SGCZ: variants seen among roughly 807,000 people sequenced by gnomAD.
SGCZ encodes sarcoglycan zeta, also known as zeta-sarcoglycan.
Under a neutral mutation model 41.3 loss-of-function variants are expected in SGCZ, and 40 were observed. That is an observed-to-expected ratio of 0.97 (90% confidence interval 0.75 to 1.26). The LOEUF (loss-of-function observed/expected upper bound fraction) is 1.26. Ranked by LOEUF, SGCZ falls within the 50% of genes most tolerant of loss-of-function variation. SGCZ has a pLI of 0.00. For missense variants in SGCZ, 552 were observed against 369.8 expected (o/e 1.49, Z -4.04); for synonymous variants, 206 against 137.5 (o/e 1.50, Z -3.49).
intron 2 of SGCZ, 83 bp downstream of exon 2, chr8:14,554,649 C>G: frequency 1.8e-6 from 2 of 1,129,306 alleles, no homozygotes; most frequent in South Asian, 1.8e-5. Context: ...ATATGAATAA[C>G]TTTTGATTAA....
At chr8:14,453,276 A>T (rs1469221608) in intron 2 of SGCZ, among the ~76,000 whole-genome samples, 2 of 152,168 alleles carry the variant, frequency 1.3e-5, no homozygotes, top group Non-Finnish European at 2.9e-5. Flanking sequence ...TCTGTCTAAC[A>T]TTAAGATACA....
At chr8:15,216,183 AG>A in intron 1 of SGCZ, among the ~76,000 whole-genome samples, 1 of 151,864 alleles carries the variant, frequency 6.6e-6, no homozygotes, top group Middle Eastern at 3.4e-3. Context: ...TCAAGAAAAA[AG>A]GATGTTTTAA....
At chr8:15,085,899 G>A (rs967681461) in intron 1 of SGCZ, among the ~76,000 whole-genome samples, 4 of 152,016 alleles carry the variant, frequency 2.6e-5, no homozygotes, top group South Asian at 4.1e-4. Flanking sequence ...CTCCTGTTGG[G>A]TACAAAAACC....
At chr8:15,168,886 G>C (rs1178668056) in intron 1 of SGCZ, among the ~76,000 whole-genome samples, 2 of 152,176 alleles carry the variant, frequency 1.3e-5, no homozygotes, top group African/African-American at 2.4e-5. Flanking sequence ...TGGGGGAAGG[G>C]AACCCAGAAG....
intron 1 of SGCZ, among the ~76,000 whole-genome samples, chr8:14,584,177 G>A (rs1298751215): frequency 2.0e-5 from 3 of 152,086 alleles, no homozygotes; most frequent in African/African-American, 7.2e-5. Flanking sequence ...TAACTACTAG[G>A]TGTTAGACTT....
At chr8:14,965,534 T>C (rs898115016) in intron 1 of SGCZ, among the ~76,000 whole-genome samples, 2 of 152,178 alleles carry the variant, frequency 1.3e-5, no homozygotes, top group Non-Finnish European at 2.9e-5. Context: ...TATTATATGA[T>C]GATCACAAGC....
At chr8:15,025,236 C>A (rs1803412227) in intron 1 of SGCZ, among the ~76,000 whole-genome samples, 1 of 152,132 alleles carries the variant, frequency 6.6e-6, no homozygotes, top group Non-Finnish European at 1.5e-5. Flanking sequence ...CACACAACTG[C>A]AAGGTTCAAT....
chr8:15,142,306 G>A (rs1233863138), intron 1 of SGCZ, among the ~76,000 whole-genome samples: 1 of 152,112 alleles, frequency 6.6e-6, no homozygotes, highest in Non-Finnish European at 1.5e-5. Flanking sequence ...ACTCTGAGAA[G>A]TTATGTTGTT....
At chr8:14,131,263 G>T (rs1018080497) in intron 5 of SGCZ, among the ~76,000 whole-genome samples, 2 of 152,148 alleles carry the variant, frequency 1.3e-5, no homozygotes, top group African/African-American at 4.8e-5. Context: ...GAGGAGCAAA[G>T]AACGCAGCCT....
chr8:14,344,040 G>A (rs1288811063), intron 2 of SGCZ, among the ~76,000 whole-genome samples: 1 of 152,048 alleles, frequency 6.6e-6, no homozygotes, highest in Non-Finnish European at 1.5e-5. Context: ...GAATTAAATG[G>A]AAATTCCAGA....
chr8:14,512,547 A>G (rs1802495835), intron 2 of SGCZ, among the ~76,000 whole-genome samples: 1 of 146,096 alleles, frequency 6.8e-6, no homozygotes, highest in Admixed American at 6.7e-5. Context: ...TGCAGCCTCA[A>G]ATTCCTGGAC....
chr8:14,796,607 T>C (rs2246433), intron 1 of SGCZ, among the ~76,000 whole-genome samples: 50,135 of 152,028 alleles, frequency 0.33, 9,804 homozygotes, highest in East Asian at 0.49. Flanking sequence ...ATTCGGAATC[T>C]GGTACCTTAA....
At chr8:15,054,814 T>C (rs961513354) in intron 1 of SGCZ, among the ~76,000 whole-genome samples, 33 of 151,244 alleles carry the variant, frequency 2.2e-4, no homozygotes, top group African/African-American at 7.8e-4. Flanking sequence ...AAAAAAAAAT[T>C]AGCCGGGCAT....
intron 1 of SGCZ, among the ~76,000 whole-genome samples, chr8:14,751,438 A>C (rs944267284): frequency 1.3e-5 from 2 of 152,172 alleles, no homozygotes; most frequent in Non-Finnish European, 2.9e-5. Context: ...AAACACATAG[A>C]CAGTTACTTA....
chr8:14,104,570 AAG>A (rs768296630), intron 6 of SGCZ, among the ~76,000 whole-genome samples: 42 of 152,270 alleles, frequency 2.8e-4, no homozygotes, highest in Non-Finnish European at 4.9e-4. Context: ...AACAGAAAGA[AAG>A]AGAGGGAAAA....
chr8:14,580,928 C>T (rs1804868176), intron 1 of SGCZ, among the ~76,000 whole-genome samples: 1 of 152,186 alleles, frequency 6.6e-6, no homozygotes, highest in Admixed American at 6.5e-5. Flanking sequence ...AACCCTTTCT[C>T]TCTTTCAAAG....
chr8:14,449,467 G>T (rs1207394836), intron 2 of SGCZ, among the ~76,000 whole-genome samples: 1 of 152,080 alleles, frequency 6.6e-6, no homozygotes, highest in African/African-American at 2.4e-5. Flanking sequence ...CTTCTATCAT[G>T]CCCATTGCTA....
At chr8:15,164,435 T>A (rs966990393) in intron 1 of SGCZ, among the ~76,000 whole-genome samples, 1 of 152,022 alleles carries the variant, frequency 6.6e-6, no homozygotes, top group Admixed American at 6.6e-5. Context: ...GGTCCACGGG[T>A]TTGGGAGCCA....
Position 14,710,461 on chromosome 8 carries a change from T to G in SGCZ, c.40-155535A>C, listed in dbSNP as rs550183334. ...AATGGAGCAATTAAAACTTATATTT[T>G]CAGAAGTTCTTCAAGTGATTCTGAG... On this transcript the variant is annotated intron_variant, in intron 1 of 7. Coordinates refer to ENST00000382080, the MANE Select transcript of SGCZ (RefSeq NM_139167.4). 6.6e-5 allele frequency among the ~76,000 whole-genome samples: 10 copies of G among 152,100 alleles called. No individual in the cohort carries two copies. The South Asian group carries it at 1.7e-3, about 25-fold the overall frequency.
Sources: gnomAD v4.1 joint callset for allele counts (sites outside exome capture counted in the v4.1 genomes callset) on GRCh38, gnomAD v4.1.1 for gene constraint, MANE v1.5 for transcripts, NCBI Gene and HGNC (gene_info 2026-07-23, HGNC 2026-07-21) for gene names.